The following RBM47 variants were observed in gnomAD, a reference collection of about 807,000 sequenced individuals.
RBM47 encodes the protein RNA binding motif protein 47.
RBM47 carries 21 observed loss-of-function variants against 47.1 expected under a neutral mutation model. The ratio of observed to expected loss-of-function variants is 0.45; its 90% CI spans 0.32 to 0.64. RBM47 has a LOEUF of 0.64. Among genes scored for constraint, RBM47 ranks in the 30% least tolerant of loss-of-function variants. RBM47 has a pLI of 0.05. For missense variants in RBM47, 708 were observed against 870.9 expected, an observed-to-expected ratio of 0.81 and a Z score of 2.35; for synonymous variants, 375 against 361.7, an observed-to-expected ratio of 1.04 and a Z score of -0.42.
Position 40,468,143 on chromosome 4 carries a change from T to C in RBM47, c.-154-1444A>G, listed in dbSNP as rs377329384. On this transcript the variant is annotated intron_variant, in intron 2 of 6. Transcript: ENST00000295971. Reference sequence around the variant, plus strand: ...ACCGCTAAAAATACAAAAAATTAGCTGGGTGCAGTGGTAGGCGCCTGTAAT... The same window carrying C: ...ACCGCTAAAAATACAAAAAATTAGCCGGGTGCAGTGGTAGGCGCCTGTAAT... Among the ~76,000 whole-genome samples the C allele has an allele frequency of 1.7e-3, 263 of 152,216 alleles. 5 individuals are homozygous for C. In the Middle Eastern group the frequency reaches 0.031, roughly 18 times the overall value.
chr4:40,557,724 G>A (rs1210488847), intron 1 of RBM47, among the ~76,000 whole-genome samples: 1 of 147,124 alleles, frequency 6.8e-6, no homozygotes, highest in Non-Finnish European at 1.5e-5. Flanking sequence ...ACTCCAGCCT[G>A]GGCAACAAGA....
chr4:40,507,577 A>T (rs1319227054), intron 2 of RBM47, among the ~76,000 whole-genome samples: 1 of 152,182 alleles, frequency 6.6e-6, no homozygotes, highest in Non-Finnish European at 1.5e-5. Context: ...TCATGAAGTC[A>T]GGAATTCAAG....
At chr4:40,451,261 G>A (rs1409959686) in intron 3 of RBM47, among the ~76,000 whole-genome samples, 3 of 150,390 alleles carry the variant, frequency 2.0e-5, no homozygotes, top group Admixed American at 6.6e-5. Context: ...TTTGAGGTAA[G>A]TGTCTCTGTG....
chr4:40,525,815 A>G (rs938750360), intron 2 of RBM47, among the ~76,000 whole-genome samples: 1 of 151,872 alleles, frequency 6.6e-6, no homozygotes, highest in African/African-American at 2.4e-5. Flanking sequence ...AGCATCAGAA[A>G]GAAAAGTAAG....
At chr4:40,496,101 A>G (rs747956309) in intron 2 of RBM47, among the ~76,000 whole-genome samples, 1 of 152,198 alleles carries the variant, frequency 6.6e-6, no homozygotes, top group East Asian at 1.9e-4. Flanking sequence ...GAAAAAAGGC[A>G]GAGAGAAGAA....
At chr4:40,553,896 C>G (rs1248435677) in intron 1 of RBM47, among the ~76,000 whole-genome samples, 1 of 152,122 alleles carries the variant, frequency 6.6e-6, no homozygotes, top group East Asian at 1.9e-4. Context: ...AAGTTCTTTG[C>G]GATCAGAGAC....
At position 40,566,987 on chromosome 4, in the gene RBM47, C is replaced by T. The variant is rs929504224; in HGVS notation, c.-239-22481G>A. On this transcript the variant is annotated intron_variant, in intron 1 of 6. Coordinates refer to ENST00000295971, the MANE Select transcript of RBM47 (RefSeq NM_001098634.2). ...ATCATTTATCCTCTCTTTTTTTTCT[C>T]TATCCTTGTTCCTGTGCCCTGGGCT... 2.0e-5 allele frequency among the ~76,000 whole-genome samples: 3 copies of T among 151,602 alleles called. 1 individual carries two copies. Among genetic ancestry groups the T allele is most frequent in the Non-Finnish European group, 2.9e-5 (2 of 67,814 alleles).
intron 2 of RBM47, among the ~76,000 whole-genome samples, chr4:40,530,060 C>G (rs1041594843): frequency 6.7e-6 from 1 of 148,488 alleles, no homozygotes; most frequent in Admixed American, 6.7e-5. Context: ...CTCAGCCTCC[C>G]GATGAGCTGG....
At chr4:40,609,085 C>T (rs1736018849) in intron 1 of RBM47, among the ~76,000 whole-genome samples, 3 of 152,066 alleles carry the variant, frequency 2.0e-5, no homozygotes, top group Non-Finnish European at 2.9e-5. Context: ...CTCCGCCTAC[C>T]GGGTTCAAGT....
chr4:40,543,979 A>G (rs762191485), intron 2 of RBM47: 12 of 151,978 alleles, frequency 7.9e-5, no homozygotes, highest in African/African-American at 2.4e-4. Flanking sequence ...AATGCTGGTC[A>G]TTTGGGGATT....
chr4:40,563,169 C>A (rs995566815), intron 1 of RBM47, among the ~76,000 whole-genome samples: 1 of 151,980 alleles, frequency 6.6e-6, no homozygotes, highest in African/African-American at 2.4e-5. Context: ...CCAGTCTGGG[C>A]GACAGAGCAA....
At chr4:40,625,251 C>T (rs970820198) in intron 1 of RBM47, among the ~76,000 whole-genome samples, 2 of 152,148 alleles carry the variant, frequency 1.3e-5, no homozygotes, top group African/African-American at 4.8e-5. Context: ...CTCAAATACA[C>T]ATTTTCAGAA....
At chr4:40,563,025 C>T (rs1172730478) in intron 1 of RBM47, among the ~76,000 whole-genome samples, 2 of 152,180 alleles carry the variant, frequency 1.3e-5, no homozygotes, top group African/African-American at 4.8e-5. Context: ...TTGTATTAAA[C>T]TGGCATTTGT....
At chr4:40,570,328 T>C (rs1414961898) in intron 1 of RBM47, among the ~76,000 whole-genome samples, 1 of 151,854 alleles carries the variant, frequency 6.6e-6, no homozygotes, top group African/African-American at 2.4e-5. Context: ...TTCTTGCAAC[T>C]AGATGGTCCC....
intron 1 of RBM47, among the ~76,000 whole-genome samples, chr4:40,558,195 A>G (rs1229038635): frequency 6.6e-6 from 1 of 152,170 alleles, no homozygotes; most frequent in Admixed American, 6.6e-5. Flanking sequence ...GTATAAGTTG[A>G]TATTTGAAAT....
Position 40,551,034 on chromosome 4 carries a change from T to TCA in RBM47, c.-239-6529_-239-6528insTG, listed in dbSNP as rs576449380. On this transcript the variant is annotated intron_variant, in intron 1 of 6. Transcript: ENST00000295971. ...AGGTTCACTGAACAAGCTGCCCTCT[T>TCA]GTGGTTCTGATATATTTCCTGAGCA... is the stretch of plus-strand genomic sequence containing the variant. Among the ~76,000 whole-genome samples the TCA allele has an allele frequency of 1.6e-4, 25 of 152,286 alleles. 1 individual carries two copies. In the South Asian group the frequency reaches 4.8e-3, roughly 29 times the overall value.
At chr4:40,514,615 A>G (rs143836306) in intron 2 of RBM47, 1 of 152,304 alleles carries the variant, frequency 6.6e-6, no homozygotes. Context: ...CTTTTGGTAA[A>G]TGTTTTACGA....
intron 2 of RBM47, among the ~76,000 whole-genome samples, chr4:40,494,011 G>A (rs576520980): frequency 1.3e-5 from 2 of 152,242 alleles, no homozygotes; most frequent in Non-Finnish European, 2.9e-5. Context: ...GGTTAATACT[G>A]TGAATTTCAA....
At chr4:40,572,108 C>G (rs113387645) in intron 1 of RBM47, among the ~76,000 whole-genome samples, 12 of 150,028 alleles carry the variant, frequency 8.0e-5, no homozygotes, top group African/African-American at 2.9e-4. Flanking sequence ...AAAAACCCAC[C>G]AGGTGTGGCT....
Sources: allele counts gnomAD v4.1 joint callset (sites outside exome capture counted in the v4.1 genomes callset), GRCh38; gene constraint gnomAD v4.1.1; transcripts MANE v1.5; gene names NCBI Gene and HGNC (gene_info 2026-07-23, HGNC 2026-07-21).